GRAMD2B: variants seen among roughly 807,000 people sequenced by gnomAD.
GRAMD2B encodes the protein GRAM domain-containing protein 2B.
Under a neutral mutation model 59.2 loss-of-function variants are expected in GRAMD2B, and 41 were observed. The ratio of observed to expected loss-of-function variants is 0.69; its 90% CI spans 0.54 to 0.90. The LOEUF (loss-of-function observed/expected upper bound fraction) is 0.90, where lower values mean the gene tolerates loss of function less well. Among genes scored for constraint, GRAMD2B ranks in the 40% least tolerant of loss-of-function variants. The pLI, the probability that GRAMD2B is intolerant of heterozygous loss-of-function variation, is 0.00. For synonymous variants in GRAMD2B, 161 were observed against 182.7 expected (o/e 0.88, Z 0.96); for missense variants, 424 against 500.5 (o/e 0.85, Z 1.46).
In GRAMD2B at chr5:126,459,130, G is replaced by A. The variant is rs73336236; in HGVS notation, c.84-6296G>A. ...TCCCATTCTCCATCCTGAACTGAAA[G>A]CCTTTCACATTTCATTGACGGTTTT... On this transcript the variant is annotated intron_variant, in intron 1 of 13. Transcript: ENST00000285689. The A allele has an allele frequency of 2.0e-3, 302 of 152,284 alleles. 1 individual carries two copies. The highest frequency in any genetic ancestry group is 7.0e-3 in the African/African-American group (290 of 41,566). The allele number at this position is 152,284 out of a possible 1,614,324, so 9.4% of individuals were successfully genotyped here.
Position 126,360,182 on chromosome 5 carries a change from C to T in GRAMD2B, c.-150C>T, listed in dbSNP as rs77944663. The T allele has an allele frequency of 3.2e-5, 27 of 840,954 alleles. No homozygotes were observed. In the Middle Eastern group the frequency reaches 9.2e-4, roughly 29 times the overall value. 52.1% of individuals were successfully genotyped at this position (840,954 alleles called of 1,614,324 possible). A position where few individuals can be genotyped will look rare whatever the true frequency, so the allele number is the denominator to read the frequency against. ...GGCTGGTGCCATCCCTCTGAGCAGA[C>T]GCTGAAAGAGAAAACTTCTGAGATA... On this transcript the variant is annotated 5_prime_UTR_variant, in exon 1 of 14. Coordinates refer to the GRAMD2B transcript ENST00000513040.
At chr5:126,390,295 TA>T (rs1470477196) in intron 1 of GRAMD2B, among the ~76,000 whole-genome samples, 1 of 152,242 alleles carries the variant, frequency 6.6e-6, no homozygotes, top group Non-Finnish European at 1.5e-5. Flanking sequence ...GACATGTATA[TA>T]AAAGTTCTGA....
chr5:126,481,618 TAATGGATTTTTTA>T (rs533702947), intron 8 of GRAMD2B, among the ~76,000 whole-genome samples: 48 of 152,282 alleles, frequency 3.2e-4, no homozygotes, highest in Non-Finnish European at 5.7e-4. Context: ...ATCAACTGAT[TAATGGATTTTTTA>T]AATGTGGTAT....
chr5:126,472,369 A>G, intron 4 of GRAMD2B, 65 bp downstream of exon 4: 1 of 1,318,546 alleles, frequency 7.6e-7, no homozygotes, highest in South Asian at 1.2e-5. Context: ...AGTTTTGGGG[A>G]AGAAAAAGGG....
chr5:126,494,080 G>C lies in GRAMD2B; in HGVS notation c.*1124G>C, dbSNP rs1209357735. ...AATAAGCGAATTGGTTACATCGTTT[G>C]TATCTGTTGGCCTAGTGGACAGCTG... On this transcript the variant is annotated 3_prime_UTR_variant, in exon 14 of 14. Transcript: ENST00000285689. The C allele has an allele frequency of 6.6e-6, 1 of 152,626 alleles. No homozygotes were observed. The highest frequency in any genetic ancestry group is 2.4e-5 in the African/African-American group (1 of 41,448). 9.5% of individuals were successfully genotyped at this position (152,626 alleles called of 1,614,324 possible). A position where few individuals can be genotyped will look rare whatever the true frequency, so the allele number is the denominator to read the frequency against.
chr5:126,466,202 ATTAGAACT>A, intron 2 of GRAMD2B: 2 of 1,529,482 alleles, frequency 1.3e-6, no homozygotes, highest in South Asian at 2.5e-5. Context: ...CTTCACCATT[ATTAGAACT>A]TTGAGAACTG....
chr5:126,393,831 T>C (rs922799791), intron 1 of GRAMD2B, among the ~76,000 whole-genome samples: 1 of 152,044 alleles, frequency 6.6e-6, no homozygotes, highest in South Asian at 2.1e-4. Context: ...ATGAACAGAC[T>C]CTAGAAAGCA....
chr5:126,387,048 C>T (rs1756211097), intron 1 of GRAMD2B, among the ~76,000 whole-genome samples: 1 of 152,140 alleles, frequency 6.6e-6, no homozygotes, highest in Admixed American at 6.5e-5. Context: ...AAATTATTTA[C>T]TTTTATGTAT....
chr5:126,454,409 T>C (rs1308584496), intron 1 of GRAMD2B, among the ~76,000 whole-genome samples: 2 of 152,192 alleles, frequency 1.3e-5, no homozygotes, highest in Admixed American at 1.3e-4. Flanking sequence ...CTGTCCACTG[T>C]TGACTTTGTC....
At chr5:126,371,476 G>T in exon 1 of GRAMD2B, 1 of 1,289,246 alleles carries the variant, frequency 7.8e-7, no homozygotes, top group African/African-American at 1.5e-5. Flanking sequence ...TAGTGACACG[G>T]TGTTCCGGTT....
At chr5:126,465,308 C>G in intron 1 of GRAMD2B, 118 bp from the exon 2 acceptor site, 1 of 1,554,292 alleles carries the variant, frequency 6.4e-7, no homozygotes, top group Non-Finnish European at 8.7e-7. Context: ...AGTTAACTAG[C>G]CTATCAGTGA....
chr5:126,476,345 G>A, intron 5 of GRAMD2B, among the ~76,000 whole-genome samples: 1 of 152,204 alleles, frequency 6.6e-6, no homozygotes, highest in Non-Finnish European at 1.5e-5. Context: ...GAGAATATGT[G>A]AGGCATTTTC....
At chr5:126,394,143 C>T (rs7711454) in intron 1 of GRAMD2B, among the ~76,000 whole-genome samples, 126,814 of 151,680 alleles carry the variant, frequency 0.84, 53,133 homozygotes, top group Non-Finnish European at 0.87. Flanking sequence ...GGAGTGGTGG[C>T]GGGTGCCTGT....
At chr5:126,438,032 G>T (rs1251457918) in intron 1 of GRAMD2B, among the ~76,000 whole-genome samples, 1 of 152,154 alleles carries the variant, frequency 6.6e-6, no homozygotes, top group Non-Finnish European at 1.5e-5. Context: ...ATGTCTGCCT[G>T]TAATCTCCTA....
chr5:126,474,850 C>T (rs150230879), intron 5 of GRAMD2B, among the ~76,000 whole-genome samples: 248 of 152,298 alleles, frequency 1.6e-3, no homozygotes, highest in African/African-American at 5.0e-3. Context: ...GCTTTTACAA[C>T]GTGTAACCTA....
At chr5:126,425,460 A>T (rs1293535548) in intron 1 of GRAMD2B, among the ~76,000 whole-genome samples, 1 of 152,230 alleles carries the variant, frequency 6.6e-6, no homozygotes, top group Non-Finnish European at 1.5e-5. Context: ...CTTAAGTGTG[A>T]CATCTGAAAA....
intron 4 of GRAMD2B, among the ~76,000 whole-genome samples, chr5:126,472,512 TG>T (rs890645463): frequency 6.6e-6 from 1 of 152,174 alleles, no homozygotes; most frequent in Non-Finnish European, 1.5e-5. Flanking sequence ...CAGTTCTCCA[TG>T]GGGTATGGAG....
At chr5:126,484,653 G>A (rs1772557105) in intron 10 of GRAMD2B, 129 bp downstream of exon 10, 3 of 876,048 alleles carry the variant, frequency 3.4e-6, no homozygotes, top group Non-Finnish European at 5.0e-6. Context: ...ACATGATCTT[G>A]GCTCACTGCA....
intron 1 of GRAMD2B, among the ~76,000 whole-genome samples, chr5:126,381,903 C>T (rs1017342823): frequency 9.9e-5 from 15 of 152,082 alleles, no homozygotes; most frequent in African/African-American, 3.6e-4. Context: ...GGTAAATTCC[C>T]TCAGCATTTG....
Sources: allele counts gnomAD v4.1 joint callset (sites outside exome capture counted in the v4.1 genomes callset), GRCh38; gene constraint gnomAD v4.1.1; transcripts MANE v1.5; gene names NCBI Gene and HGNC (gene_info 2026-07-23, HGNC 2026-07-21).